The following SUPT5H variants were observed in gnomAD, a reference collection of about 807,000 sequenced individuals.
The protein encoded by SUPT5H is transcription elongation factor SPT5.
Under a neutral mutation model 142.5 loss-of-function variants are expected in SUPT5H, and 24 were observed. That is an observed-to-expected ratio of 0.17 (90% CI 0.12 to 0.24). SUPT5H has a LOEUF of 0.24. Ranked by LOEUF, SUPT5H falls within the 10% of genes least tolerant of loss-of-function variation. SUPT5H has a pLI of 1.00. For missense variants in SUPT5H, 893 were observed against 1,471.8 expected (o/e 0.61, Z 6.43); for synonymous variants, 546 against 553.0 (o/e 0.99, Z 0.18).
At chr19:39,450,808 A>G (rs1568418034) in intron 2 of SUPT5H, among the ~76,000 whole-genome samples, 1 of 152,048 alleles carries the variant, frequency 6.6e-6, no homozygotes, top group Non-Finnish European at 1.5e-5. Flanking sequence ...GTCATGAGAA[A>G]GTTTCATCTT....
chr19:39,472,501 G>A lies in SUPT5H; in HGVS notation c.2035+8G>A, dbSNP rs752093913. The A allele has an allele frequency of 6.2e-7, 1 of 1,613,820 alleles. No individual in the cohort carries two copies. The highest frequency in any genetic ancestry group is 8.5e-7 in the Non-Finnish European group (1 of 1,179,890). ...TGCACCCCAGTGCTGGAGGTGAGAG[G>A]GGTTCAGGGTCAGGGGATGTGGTGG... is the stretch of plus-strand genomic sequence containing the variant. On this transcript the variant is annotated splice_region_variant and intron_variant, in intron 21 of 29. Coordinates refer to ENST00000432763, the MANE Select transcript of SUPT5H (RefSeq NM_001111020.3). This position sits in a 1 kb window ranked among gnomAD's most constrained non-coding sequence, Gnocchi z 4.2.
At position 39,459,698 on chromosome 19, in the gene SUPT5H, G is replaced by C. The variant is rs2079136666; in HGVS notation, c.555+109G>C. 2.8e-6 allele frequency: 4 copies of C among 1,446,218 alleles called. No individual in the cohort carries two copies. The East Asian group carries it at 6.8e-5, about 25-fold the overall frequency. The allele number at this position is 1,446,218 out of a possible 1,614,324, so 89.6% of individuals were successfully genotyped here. ...GGTCTCCGTGGCCTGCCAGTCACTT[G>C]GTCCTTCTGTCTCCATCCCTCACTC... On this transcript the variant is annotated intron_variant, in intron 9 of 29. Coordinates refer to ENST00000432763, the MANE Select transcript of SUPT5H (RefSeq NM_001111020.3).
chr19:39,456,399 TG>T (rs2079089762), intron 3 of SUPT5H, among the ~76,000 whole-genome samples: 1 of 84,422 alleles, frequency 1.2e-5, no homozygotes, highest in African/African-American at 6.9e-5. Flanking sequence ...CTGACTAGAC[TG>T]TTTTTTTTTG....
chr19:39,453,547 C>T (rs376370226), intron 3 of SUPT5H, 26 bp downstream of exon 3: 72 of 1,474,460 alleles, frequency 4.9e-5, no homozygotes, highest in Middle Eastern at 3.7e-4. Context: ...TGGCCAGTGC[C>T]GAGCAGAGGC....
chr19:39,451,187 C>CTTTTT (rs36028459), intron 2 of SUPT5H, among the ~76,000 whole-genome samples: 6 of 111,694 alleles, frequency 5.4e-5, no homozygotes, highest in South Asian at 2.9e-4. Flanking sequence ...TGAGCATGAC[C>CTTTTT]TTTTTTTTTT....
chr19:39,455,234 G>C (rs2079072129), intron 3 of SUPT5H, among the ~76,000 whole-genome samples: 1 of 152,066 alleles, frequency 6.6e-6, no homozygotes. Flanking sequence ...TAGTAGTTTT[G>C]AGAAAAAGAA....
chr19:39,458,066 G>T lies in SUPT5H; in HGVS notation c.308-228G>T. On this transcript the variant is annotated intron_variant, in intron 4 of 29. Transcript: ENST00000432763. The surrounding 1 kb of genome is among the most constrained non-coding windows in gnomAD (Gnocchi z 4.2). ...CCTGGGCCAGTGCCCCCCTTTCCCC[G>T]TTATTTTCCGTTCTGTGCGCCTCAT... is the stretch of plus-strand genomic sequence containing the variant. 3 of 784,394 alleles carry T rather than the reference G, an allele frequency of 3.8e-6. No homozygotes were observed. The highest frequency in any genetic ancestry group is 3.8e-4 in the Middle Eastern group (1 of 2,620). 48.6% of individuals were successfully genotyped at this position (784,394 alleles called of 1,614,324 possible).
At chr19:39,459,794 G>C in intron 9 of SUPT5H, 98 bp from the exon 10 acceptor site, 2 of 1,398,168 alleles carry the variant, frequency 1.4e-6, no homozygotes, top group Non-Finnish European at 1.0e-6. Flanking sequence ...CTCCTCTCTT[G>C]GTCCTACTTT....
intron 3 of SUPT5H, among the ~76,000 whole-genome samples, chr19:39,453,812 G>A (rs563786827): frequency 4.1e-4 from 62 of 152,218 alleles, no homozygotes; most frequent in Middle Eastern, 3.4e-3. Context: ...TGATCTGCCC[G>A]CCTTGGCCTC....
chr19:39,460,961 A>G (rs1024696538), intron 10 of SUPT5H, among the ~76,000 whole-genome samples: 5 of 152,218 alleles, frequency 3.3e-5, no homozygotes, highest in Middle Eastern at 3.4e-3. Flanking sequence ...TTTGCAAACT[A>G]TGCTTTTAAA....
Position 39,471,684 on chromosome 19 carries a change from T to C in SUPT5H, c.1904T>C (p.Met635Thr). 1 of 1,614,136 alleles carries C rather than the reference T, an allele frequency of 6.2e-7. No individual in the cohort carries two copies. The highest frequency in any genetic ancestry group is 8.5e-7 in the Non-Finnish European group (1 of 1,180,010). The change falls in exon 20 of 30, where the codon ATG becomes ACG. Residue 635 changes from methionine to threonine, a missense_variant. Physicochemically the swap from Met to Thr is moderately conservative, Grantham distance 81. Coordinates refer to ENST00000432763, the MANE Select transcript of SUPT5H (RefSeq NM_001111020.3). ...AAGAAACTGGTGGAGAACGGGGGCA[T>C]GTTTGTCTGCAAGACCCGCCACCTG... Reference protein sequence around the residue: ...HCKKLVENGGMFVCKTRHLVL... With the variant: ...HCKKLVENGGTFVCKTRHLVL...
chr19:39,465,446 G>A (rs1014059004), intron 11 of SUPT5H, among the ~76,000 whole-genome samples: 2 of 152,226 alleles, frequency 1.3e-5, no homozygotes, highest in Non-Finnish European at 2.9e-5. Flanking sequence ...AGGGCTGTAA[G>A]GGACACAGGC....
In SUPT5H at chr19:39,472,890, A is replaced by G. The variant is rs762453147; in HGVS notation, c.2116A>G (p.Ile706Val). ...RGRGRRDNEL[I>V]GQTVRISQGP... ...CCGGGGCCGGAGGGACAACGAACTCATCGGCCAGACCGTGCGCATCTCCCA... is the reference window on the plus strand; with the variant it reads ...CCGGGGCCGGAGGGACAACGAACTCGTCGGCCAGACCGTGCGCATCTCCCA... Residue 706 changes from isoleucine (I) to valine (V), a missense_variant, in exon 22 of 30, where the codon ATC (isoleucine) becomes GTC (valine). By Grantham distance (29) the Ile-to-Val change is conservative. Transcript: ENST00000432763. The surrounding 1 kb of genome is among the most constrained non-coding windows in gnomAD (Gnocchi z 4.2). The G allele has an allele frequency of 1.1e-5, 17 of 1,613,852 alleles. No individual in the cohort carries two copies. The highest frequency in any genetic ancestry group is 3.3e-5 in the South Asian group (3 of 91,070).
At chr19:39,465,444 A>G (rs2079222184) in intron 11 of SUPT5H, among the ~76,000 whole-genome samples, 1 of 152,208 alleles carries the variant, frequency 6.6e-6, no homozygotes, top group African/African-American at 2.4e-5. Context: ...GGAGGGCTGT[A>G]AGGGACACAG....
At position 39,476,614 on chromosome 19, in the gene SUPT5H, C is replaced by T. The variant is rs1189057078; in HGVS notation, c.*215C>T. ...GTCCCCACCTTCCTGTACCTCCTCC[C>T]CACAGCTTGCTTTTGTTGTACCGTC... On this transcript the variant is annotated 3_prime_UTR_variant, in exon 30 of 30. Coordinates refer to ENST00000432763, the MANE Select transcript of SUPT5H (RefSeq NM_001111020.3). 3 of 606,264 alleles carry T rather than the reference C, an allele frequency of 4.9e-6. No individual in the cohort carries two copies. In the African/African-American group the frequency reaches 5.6e-5, roughly 11 times the overall value. 37.6% of individuals were successfully genotyped at this position (606,264 alleles called of 1,614,324 possible). A position where few individuals can be genotyped will look rare whatever the true frequency, so the allele number is the denominator to read the frequency against.
rs761862190 is a variant in SUPT5H, at chr19:39,469,263, G to T, written c.1239G>T (p.Gly413=). The T allele has an allele frequency of 6.2e-7, 1 of 1,614,222 alleles. No homozygotes were observed. The highest frequency in any genetic ancestry group is 1.1e-5 in the South Asian group (1 of 91,086). The part of the protein sequence containing the change: ...IDLEVVTEST[G]KEREHNFQPG... ...TCAGCCCTACGACTGCCCCTGCAGG[G>T]AAGGAGCGGGAGCACAACTTCCAAC... Residue 413 remains glycine (G), a splice_region_variant and synonymous_variant, in exon 16 of 30, where the codon GGG becomes GGT. Transcript: ENST00000432763. This position sits in a 1 kb window ranked among gnomAD's most constrained non-coding sequence, Gnocchi z 5.1.
At position 39,459,589 on chromosome 19, in the gene SUPT5H, G is replaced by A. The variant is rs773755743; in HGVS notation, c.555G>A (p.Lys185=). Reference sequence around the variant, plus strand: ...CCAATCTGTGGACTGTCAAATGTAAGGTATGTGCTCTGATCTCGGGGCTTG... The same window carrying A: ...CCAATCTGTGGACTGTCAAATGTAAAGTATGTGCTCTGATCTCGGGGCTTG... The part of the protein sequence containing the change: ...KDPNLWTVKC[K]IGEERATAIS... The change falls in exon 9 of 30, where the codon AAG becomes AAA. Residue 185 remains lysine, a splice_region_variant and synonymous_variant. Coordinates refer to ENST00000432763, the MANE Select transcript of SUPT5H (RefSeq NM_001111020.3). 11 of 1,613,900 alleles carry A rather than the reference G, an allele frequency of 6.8e-6. No individual in the cohort carries two copies. The South Asian group carries it at 1.1e-4, about 16-fold the overall frequency.
At chr19:39,468,553 A>C in intron 13 of SUPT5H, 1 of 580,516 alleles carries the variant, frequency 1.7e-6, no homozygotes, top group Non-Finnish European at 3.1e-6. Flanking sequence ...AAATCAGGGA[A>C]TGGGTGGAGG....
At chr19:39,464,735 A>C in intron 10 of SUPT5H, 63 bp from the exon 11 acceptor site, 1 of 1,535,306 alleles carries the variant, frequency 6.5e-7, no homozygotes, top group Non-Finnish European at 8.8e-7. Context: ...GATGAGTGGC[A>C]GTCATTTCTG....
Sources: allele counts gnomAD v4.1 joint callset (sites outside exome capture counted in the v4.1 genomes callset), GRCh38; gene constraint gnomAD v4.1.1; non-coding constraint Gnocchi (gnomAD v3.1); transcripts MANE v1.5; gene names NCBI Gene and HGNC (gene_info 2026-07-23, HGNC 2026-07-21).